The following NXPE2 variants were observed in gnomAD, a reference collection of about 807,000 sequenced individuals.
NXPE2 encodes the protein NXPE family member 2.
Under a neutral mutation model 34.4 loss-of-function variants are expected in NXPE2, and 34 were observed. That is an observed-to-expected ratio of 0.99 (90% CI 0.75 to 1.31). The LOEUF is 1.31. Ranked by LOEUF, NXPE2 falls within the 40% of genes most tolerant of loss-of-function variation. NXPE2 has a pLI of 0.00. For synonymous variants in NXPE2, 235 were observed against 231.3 expected (o/e 1.02, Z -0.15); for missense variants, 649 against 672.5 (o/e 0.97, Z 0.39).
chr11:114,626,260 A>T, the NXPE2 span, among the ~76,000 whole-genome samples: 1 of 152,238 alleles, frequency 6.6e-6, no homozygotes, highest in Non-Finnish European at 1.5e-5. Flanking sequence ...TAACCTCTGC[A>T]GACTTAAATG....
intron 2 of NXPE2, among the ~76,000 whole-genome samples, chr11:114,684,220 G>A (rs1951000852): frequency 1.3e-5 from 2 of 152,114 alleles, no homozygotes; most frequent in South Asian, 2.1e-4. Flanking sequence ...AAGGTCAGGA[G>A]ATCGAGACCA....
the NXPE2 span, among the ~76,000 whole-genome samples, chr11:114,542,260 A>G: frequency 1.3e-5 from 2 of 152,222 alleles, no homozygotes. Flanking sequence ...GAAAGAAAAT[A>G]TGAGCCAGAA....
At chr11:114,748,927 G>A in the NXPE2 span, among the ~76,000 whole-genome samples, 149 of 152,238 alleles carry the variant, frequency 9.8e-4, no homozygotes, top group Admixed American at 8.2e-3. Context: ...TGCCATCATT[G>A]TTTATTTTGA....
chr11:114,695,830 A>AAAACACACACACACACACACAC (rs1951239825), intron 2 of NXPE2, among the ~76,000 whole-genome samples: 1 of 132,536 alleles, frequency 7.5e-6, no homozygotes, highest in Non-Finnish European at 1.6e-5. Flanking sequence ...GTCTCTACTA[A>AAAACACACACACACACACACAC]ACACACACAC....
At chr11:114,574,881 C>T in the NXPE2 span, among the ~76,000 whole-genome samples, 3 of 151,786 alleles carry the variant, frequency 2.0e-5, no homozygotes, top group Admixed American at 1.3e-4. Context: ...GGGAAGGACA[C>T]AACAAAAAAG....
At chr11:114,470,072 A>C in the NXPE2 span, among the ~76,000 whole-genome samples, 4 of 152,316 alleles carry the variant, frequency 2.6e-5, no homozygotes, top group Middle Eastern at 3.4e-3. Context: ...TGGATATACC[A>C]CAATTTGTAT....
At chr11:114,533,134 GGA>G in the NXPE2 span, among the ~76,000 whole-genome samples, 1 of 152,048 alleles carries the variant, frequency 6.6e-6, no homozygotes, top group Non-Finnish European at 1.5e-5. Flanking sequence ...AATGATGGGG[GGA>G]GAAACAGACT....
the NXPE2 span, among the ~76,000 whole-genome samples, chr11:114,589,215 A>C: frequency 2.0e-5 from 3 of 152,144 alleles, no homozygotes; most frequent in South Asian, 2.1e-4. Flanking sequence ...ATGAAGGTCA[A>C]CAGGTTCAGA....
chr11:114,581,859 C>T, the NXPE2 span: 1 of 955,320 alleles, frequency 1.0e-6, no homozygotes, highest in Non-Finnish European at 1.6e-6. Flanking sequence ...CTAGATTATC[C>T]AGTGCCTCAG....
chr11:114,571,389 C>T, the NXPE2 span: 1 of 1,613,910 alleles, frequency 6.2e-7, no homozygotes. Flanking sequence ...ATATTTTTGC[C>T]ACTGGATGTT....
At chr11:114,758,059 C>G in the NXPE2 span, among the ~76,000 whole-genome samples, 3,960 of 152,202 alleles carry the variant, frequency 0.026, 175 homozygotes, top group African/African-American at 0.09. Context: ...TAGCCTTTTC[C>G]TCCCAGCCTC....
chr11:114,671,173 A>C, the NXPE2 span, among the ~76,000 whole-genome samples: 1 of 150,854 alleles, frequency 6.6e-6, no homozygotes, highest in Non-Finnish European at 1.5e-5. Flanking sequence ...GTGATACTTA[A>C]CAGTAGATTT....
chr11:114,582,904 T>C, the NXPE2 span: 26 of 1,614,092 alleles, frequency 1.6e-5, no homozygotes, highest in African/African-American at 3.3e-4. Flanking sequence ...ATTTCCTTTA[T>C]TCTGAGTTCA....
chr11:114,580,198 G>A, the NXPE2 span: 2 of 1,614,052 alleles, frequency 1.2e-6, no homozygotes, highest in African/African-American at 1.3e-5. Flanking sequence ...AGGTATATGA[G>A]TTTTCCTCTC....
the NXPE2 span, among the ~76,000 whole-genome samples, chr11:114,474,003 G>C: frequency 6.6e-6 from 1 of 152,130 alleles, no homozygotes; most frequent in Non-Finnish European, 1.5e-5. Context: ...GAGAAAGAGA[G>C]AGTTAAAGAT....
At chr11:114,610,825 T>A in the NXPE2 span, among the ~76,000 whole-genome samples, 1 of 151,214 alleles carries the variant, frequency 6.6e-6, no homozygotes. Flanking sequence ...ACTGTTACCC[T>A]GTGGATAATA....
the NXPE2 span, among the ~76,000 whole-genome samples, chr11:114,542,273 T>G: frequency 2.6e-5 from 4 of 152,144 alleles, no homozygotes; most frequent in Non-Finnish European, 5.9e-5. Flanking sequence ...AGCCAGAAAT[T>G]TTATAAGAAG....
the NXPE2 span, among the ~76,000 whole-genome samples, chr11:114,670,847 T>C: frequency 0.88 from 133,639 of 151,516 alleles, 59,290 homozygotes; most frequent in Non-Finnish European, 0.92. Context: ...AGAGAATGAC[T>C]CACGAACAGG....
chr11:114,760,915 A>C, the NXPE2 span, among the ~76,000 whole-genome samples: 1 of 152,184 alleles, frequency 6.6e-6, no homozygotes, highest in African/African-American at 2.4e-5. Flanking sequence ...TGGCCTGAGA[A>C]CTTATTTATT....
Sources: allele counts gnomAD v4.1 joint callset (sites outside exome capture counted in the v4.1 genomes callset), GRCh38; gene constraint gnomAD v4.1.1; transcripts MANE v1.5; gene names NCBI Gene and HGNC (gene_info 2026-07-23, HGNC 2026-07-21).